CLUL1: variants seen among roughly 807,000 people sequenced by gnomAD.
The protein encoded by CLUL1 is clusterin-like protein 1.
In CLUL1, 43 loss-of-function variants were observed where a neutral mutation model predicts 49.4. The observed-to-expected ratio is 0.87, with a 90% CI of 0.68 to 1.12. CLUL1 has a LOEUF of 1.12. CLUL1 is among the 50% of genes most tolerant of loss of function. CLUL1 has a pLI of 0.00. For synonymous variants in CLUL1, 192 were observed against 184.9 expected (o/e 1.04, Z -0.31); for missense variants, 486 against 544.4 (o/e 0.89, Z 1.07).
chr18:633,611 C>T (rs909727140), intron 7 of CLUL1, among the ~76,000 whole-genome samples, 176 bp downstream of exon 7: 3 of 152,178 alleles, frequency 2.0e-5, no homozygotes, highest in Non-Finnish European at 2.9e-5. Flanking sequence ...CAATGGTGAG[C>T]GTGCACTTGC....
Position 618,060 on chromosome 18 carries a change from C to A in CLUL1, c.60C>A (p.Cys20Ter). 2 of 1,614,078 alleles carry A rather than the reference C, an allele frequency of 1.2e-6. No homozygotes were observed. Among genetic ancestry groups the A allele is most frequent in the Non-Finnish European group, 1.7e-6 (2 of 1,179,984 alleles). Residue 20 changes from cysteine (C) to a stop codon, truncating the protein, a stop_gained, in exon 3 of 10, where the codon TGC becomes TGA. Coordinates refer to ENST00000692774, the MANE Select transcript of CLUL1 (RefSeq NM_001393344.1). LOFTEE classifies it high-confidence loss of function. The surrounding 1 kb of genome is among the most constrained non-coding windows in gnomAD (Gnocchi z 4.2). ...TGCTGTGGTTGAAAGACAGTCACTG[C>A]GCACCCACTTGGAAGGACAAAACTG... is the stretch of plus-strand genomic sequence containing the variant. Reference protein sequence around the residue: ...VCLLWLKDSHCAPTWKDKTAI... With the variant: ...VCLLWLKDSH
intron 6 of CLUL1, 102 bp from the exon 7 acceptor site, chr18:633,196 A>T: frequency 1.1e-6 from 1 of 924,368 alleles, no homozygotes; most frequent in Non-Finnish European, 1.6e-6. Flanking sequence ...TATAGGAAAA[A>T]GATTTTGAAA....
chr18:619,956 T>C (rs1232889697), intron 4 of CLUL1, among the ~76,000 whole-genome samples: 1 of 152,202 alleles, frequency 6.6e-6, no homozygotes, highest in African/African-American at 2.4e-5. Context: ...GTGATCCACC[T>C]GCCTCAGCCT....
At chr18:631,049 C>T (rs902187327) in intron 6 of CLUL1, among the ~76,000 whole-genome samples, 1 of 152,030 alleles carries the variant, frequency 6.6e-6, no homozygotes, top group Non-Finnish European at 1.5e-5. Flanking sequence ...CGTGTGGCAA[C>T]CTTCATGGAT....
intron 4 of CLUL1, among the ~76,000 whole-genome samples, chr18:622,098 G>A (rs2073505591): frequency 6.6e-6 from 1 of 152,042 alleles, no homozygotes; most frequent in Non-Finnish European, 1.5e-5. Context: ...TAGAATAAAG[G>A]TCAGTTTAGA....
chr18:606,936 G>A lies in CLUL1; in HGVS notation c.-135-42G>A, dbSNP rs2072987802. On this transcript the variant is annotated intron_variant, in intron 1 of 9. Coordinates refer to ENST00000692774, the MANE Select transcript of CLUL1 (RefSeq NM_001393344.1). This position sits in a 1 kb window ranked among gnomAD's most constrained non-coding sequence, Gnocchi z 4.1. ...AGAATATTTGTAATAATTTTAGGCG[G>A]CTCCCTAAAATTTCTTTTCTTTTTT... 5 of 590,410 alleles carry A rather than the reference G, an allele frequency of 8.5e-6. No individual in the cohort carries two copies. The highest frequency in any genetic ancestry group is 1.5e-5 in the Non-Finnish European group (5 of 333,194). 36.6% of individuals were successfully genotyped at this position (590,410 alleles called of 1,614,324 possible). A position where few individuals can be genotyped will look rare whatever the true frequency, so the allele number is the denominator to read the frequency against.
chr18:628,342 C>T (rs2073872736), intron 6 of CLUL1, among the ~76,000 whole-genome samples: 2 of 152,200 alleles, frequency 1.3e-5, no homozygotes, highest in Admixed American at 6.5e-5. Flanking sequence ...TGCTCATAAA[C>T]CCCAAACTAC....
intron 9 of CLUL1, chr18:649,689 G>T: frequency 2.1e-6 from 1 of 485,526 alleles, no homozygotes; most frequent in Non-Finnish European, 3.7e-6. Context: ...AACAACCCAG[G>T]AAAGCTGTGA....
rs745376897 is a variant in CLUL1 at position 619,321 on chromosome 18, A to G, written c.215A>G (p.Asn72Ser). Residue 72 changes from asparagine to serine, a missense_variant, in exon 4 of 10, where the codon AAT becomes AGT. Physicochemically the swap from Asn to Ser is conservative, Grantham distance 46. Coordinates refer to ENST00000692774, the MANE Select transcript of CLUL1 (RefSeq NM_001393344.1). The stretch of plus-strand genomic sequence containing the variant: ...GAAAGAAAAGAGAAGGAACACACCA[A>G]TCTAATGAGCACCCTGAAGAAATGC... ...MMERKEKEHTNLMSTLKKCRE... is the reference protein window; with the variant it reads ...MMERKEKEHTSLMSTLKKCRE... 9 of 1,613,878 alleles carry G rather than the reference A, an allele frequency of 5.6e-6. No homozygotes were observed. The South Asian group carries it at 8.8e-5, about 16-fold the overall frequency.
chr18:617,635 A>G (rs1348269857), intron 2 of CLUL1, among the ~76,000 whole-genome samples: 2 of 151,966 alleles, frequency 1.3e-5, no homozygotes, highest in Non-Finnish European at 2.9e-5. Flanking sequence ...AGGGAAAAAA[A>G]TCCCTCTAAC....
At chr18:598,849 G>A (rs1329734856) in intron 1 of CLUL1, among the ~76,000 whole-genome samples, 5 of 151,618 alleles carry the variant, frequency 3.3e-5, no homozygotes, top group Non-Finnish European at 7.4e-5. Flanking sequence ...TTTTCAGAAG[G>A]CATATATGTA....
At chr18:646,127 G>A (rs1567980235) in intron 9 of CLUL1, among the ~76,000 whole-genome samples, 1 of 151,442 alleles carries the variant, frequency 6.6e-6, no homozygotes, top group Non-Finnish European at 1.5e-5. Context: ...TTCTCTCTCC[G>A]ACTCCATCAT....
chr18:635,180 C>T (rs1375011466), intron 7 of CLUL1, among the ~76,000 whole-genome samples: 2 of 152,160 alleles, frequency 1.3e-5, no homozygotes, highest in African/African-American at 4.8e-5. Context: ...CAGTGGTCCC[C>T]AGCCTTCTGG....
intron 5 of CLUL1, among the ~76,000 whole-genome samples, chr18:625,840 C>G (rs1284257296): frequency 6.7e-6 from 1 of 148,998 alleles, no homozygotes; most frequent in Non-Finnish European, 1.5e-5. Flanking sequence ...ACAAAGGGAG[C>G]AACTACTAAG....
chr18:641,638 A>G, intron 8 of CLUL1, 97 bp downstream of exon 8: 1 of 1,009,800 alleles, frequency 9.9e-7, no homozygotes. Context: ...TTTGAAAACA[A>G]GCTGTAGGAG....
chr18:630,914 C>G (rs57970267), intron 6 of CLUL1, among the ~76,000 whole-genome samples: 12,002 of 151,404 alleles, frequency 0.079, 652 homozygotes, highest in East Asian at 0.28. Flanking sequence ...GGGAGACCCA[C>G]TTCAGACTTC....
At chr18:598,369 C>T (rs2072718500) in intron 1 of CLUL1, 1 of 391,486 alleles carries the variant, frequency 2.6e-6, no homozygotes. Flanking sequence ...TGAGATGTGG[C>T]TGTTTCCCAA....
At chr18:631,682 C>G (rs2073997860) in intron 6 of CLUL1, among the ~76,000 whole-genome samples, 1 of 152,076 alleles carries the variant, frequency 6.6e-6, no homozygotes, top group African/African-American at 2.4e-5. Flanking sequence ...CCTCTGACTT[C>G]CAGGAGCTCA....
At position 644,956 on chromosome 18, in the gene CLUL1, CAAT is replaced by C; in HGVS notation, c.1257_1259del (p.Met421del). On this transcript the variant is annotated inframe_deletion, in exon 9 of 10. Coordinates refer to ENST00000692774, the MANE Select transcript of CLUL1 (RefSeq NM_001393344.1). ...GGAAATATTTCCAAACAAGATGAAA[CAAT>C]GATGACAGACTTAAGCATTCTGCCT... 1.2e-6 allele frequency: 2 copies of C among 1,613,032 alleles called. No individual in the cohort carries two copies. The highest frequency in any genetic ancestry group is 1.7e-6 in the Non-Finnish European group (2 of 1,179,476).
Sources: gnomAD v4.1 joint callset for allele counts (sites outside exome capture counted in the v4.1 genomes callset) on GRCh38, gnomAD v4.1.1 for gene constraint, Gnocchi (gnomAD v3.1) non-coding constraint, MANE v1.5 for transcripts, NCBI Gene and HGNC (gene_info 2026-07-23, HGNC 2026-07-21) for gene names.